HPS3: variants seen among roughly 807,000 people sequenced by gnomAD.
HPS3 encodes the protein HPS3 biogenesis of lysosomal organelles complex 2 subunit 1, also known as BLOC-2 complex member HPS3.
Under a neutral mutation model 110.9 loss-of-function variants are expected in HPS3, and 79 were observed. The ratio of observed to expected loss-of-function variants is 0.71; its 90% CI spans 0.59 to 0.86. The LOEUF (loss-of-function observed/expected upper bound fraction) is 0.86, where lower values mean the gene tolerates loss of function less well. HPS3 is among the 40% of genes least tolerant of loss of function. The pLI, the probability that HPS3 is intolerant of heterozygous loss-of-function variation, is 0.00. For missense variants in HPS3, 1,197 were observed against 1,206.2 expected, an observed-to-expected ratio of 0.99 and a Z score of 0.11; for synonymous variants, 428 against 451.0, an observed-to-expected ratio of 0.95 and a Z score of 0.65.
At chr3:149,140,949 A>AG in intron 2 of HPS3, 68 bp from the exon 3 acceptor site, 2 of 1,370,084 alleles carry the variant, frequency 1.5e-6, no homozygotes, top group Non-Finnish European at 1.0e-6. Context: ...TATATGTCTA[A>AG]TTGGTGAGAG....
At chr3:149,143,757 A>C (rs1273185776) in intron 4 of HPS3, among the ~76,000 whole-genome samples, 2 of 152,356 alleles carry the variant, frequency 1.3e-5, no homozygotes, top group Middle Eastern at 3.4e-3. Context: ...ATGTTAAAAA[A>C]GAATAGGGAG....
intron 2 of HPS3, 81 bp from the exon 3 acceptor site, chr3:149,140,936 T>A: frequency 7.9e-7 from 1 of 1,270,046 alleles, no homozygotes; most frequent in Non-Finnish European, 1.1e-6. Flanking sequence ...TAAATGAAAT[T>A]ACTATATGTC....
intron 1 of HPS3, among the ~76,000 whole-genome samples, chr3:149,138,841 G>A (rs910470743): frequency 2.0e-5 from 3 of 152,246 alleles, no homozygotes; most frequent in African/African-American, 7.2e-5. Context: ...TAATAGCCGT[G>A]AGAGTCCATG....
chr3:149,157,258 C>A, intron 8 of HPS3, 92 bp from the exon 9 acceptor site: 1 of 1,134,874 alleles, frequency 8.8e-7, no homozygotes, highest in Non-Finnish European at 1.3e-6. Flanking sequence ...CAAATGTTAA[C>A]TTTACTAACA....
chr3:149,129,684 T>G lies in HPS3; in HGVS notation c.-40T>G. ...GTCAGCGCGGGGTCTCCGGGCGCCC[T>G]GCAGGGCGGGCAGGCTGTGCCATCC... On this transcript the variant is annotated 5_prime_UTR_variant, in exon 1 of 17. Coordinates refer to ENST00000296051, the MANE Select transcript of HPS3 (RefSeq NM_032383.5). The G allele has an allele frequency of 6.7e-7, 1 of 1,482,152 alleles. No individual in the cohort carries two copies. Among genetic ancestry groups the G allele is most frequent in the South Asian group, 1.3e-5 (1 of 78,354 alleles). 91.8% of individuals were successfully genotyped at this position (1,482,152 alleles called of 1,614,324 possible).
chr3:149,155,684 A>G (rs1723418224), intron 8 of HPS3, among the ~76,000 whole-genome samples: 1 of 152,184 alleles, frequency 6.6e-6, no homozygotes, highest in African/African-American at 2.4e-5. Context: ...CTGATCTAAG[A>G]GTGACAGCTT....
intron 1 of HPS3, chr3:149,130,320 T>C (rs997067546): frequency 4.0e-6 from 1 of 248,152 alleles, no homozygotes; most frequent in Admixed American, 5.0e-5. Flanking sequence ...AGACTAGTAC[T>C]GTATCCCGGA....
At chr3:149,168,198 C>T in intron 16 of HPS3, 1 of 516,292 alleles carries the variant, frequency 1.9e-6, no homozygotes, top group Non-Finnish European at 3.5e-6. Context: ...TAACTTAATC[C>T]TTTCAAACAC....
chr3:149,158,823 A>T lies in HPS3; in HGVS notation c.1849A>T (p.Asn617Tyr). ...IFYINHSLYENLDEELNEELA... is the reference protein window; with the variant it reads ...IFYINHSLYEYLDEELNEELA... ...TTACATTAATCATTCACTTTATGAA[A>T]ACCTGGATGAAGAATTAAATGAAGT... Residue 617 changes from asparagine (N) to tyrosine (Y), a missense_variant, in exon 10 of 17, where the codon AAC becomes TAC. Physicochemically the swap from Asn to Tyr is moderately radical, Grantham distance 143 (BLOSUM62 -2). Coordinates refer to ENST00000296051, the MANE Select transcript of HPS3 (RefSeq NM_032383.5). 1 of 1,594,724 alleles carries T rather than the reference A, an allele frequency of 6.3e-7. No homozygotes were observed. The highest frequency in any genetic ancestry group is 8.6e-7 in the Non-Finnish European group (1 of 1,162,536).
At chr3:149,135,363 A>C (rs1278710429) in intron 1 of HPS3, among the ~76,000 whole-genome samples, 1 of 152,034 alleles carries the variant, frequency 6.6e-6, no homozygotes, top group Non-Finnish European at 1.5e-5. Flanking sequence ...CCCACGTGTC[A>C]AGGGCGGGAC....
chr3:149,159,436 A>G (rs1723656429), intron 10 of HPS3, among the ~76,000 whole-genome samples: 1 of 152,028 alleles, frequency 6.6e-6, no homozygotes, highest in Non-Finnish European at 1.5e-5. Context: ...GGTGGCATAC[A>G]CCTGTAGTTC....
At chr3:149,141,659 G>C (rs111330254) in intron 4 of HPS3, among the ~76,000 whole-genome samples, 1 of 147,630 alleles carries the variant, frequency 6.8e-6, no homozygotes, top group Admixed American at 6.9e-5. Flanking sequence ...TCAGCCTCCC[G>C]AGTAGCTGGG....
Position 149,145,428 on chromosome 3 carries a change from C to A in HPS3, c.1045C>A (p.Pro349Thr), listed in dbSNP as rs770304143. Residue 349 changes from proline to threonine, a missense_variant, in exon 5 of 17, where the codon CCT (proline) becomes ACT (threonine). Coordinates refer to ENST00000296051, the MANE Select transcript of HPS3 (RefSeq NM_032383.5). ...LLSLFCFFSL[P>T]HVGYLYMVVK... Reference sequence around the variant, plus strand: ...GAGTCTCTTTTGCTTTTTCTCCTTACCTCATGTGGGCTATCTCTACATGGT... The same window carrying A: ...GAGTCTCTTTTGCTTTTTCTCCTTAACTCATGTGGGCTATCTCTACATGGT... 68 of 1,613,808 alleles carry A rather than the reference C, an allele frequency of 4.2e-5. No homozygotes were observed. The highest frequency in any genetic ancestry group is 5.6e-5 in the Non-Finnish European group (66 of 1,179,850).
chr3:149,150,785 T>C (rs1322618172), intron 6 of HPS3, 105 bp downstream of exon 6: 1 of 899,248 alleles, frequency 1.1e-6, no homozygotes, highest in Non-Finnish European at 1.9e-6. Flanking sequence ...ACAAAAGAGC[T>C]TAAGGTTGTC....
At chr3:149,141,528 T>TG (rs937389310) in intron 4 of HPS3, 148 bp downstream of exon 4, 6 of 580,560 alleles carry the variant, frequency 1.0e-5, no homozygotes, top group South Asian at 4.0e-5. Flanking sequence ...AGTTTTTTTT[T>TG]TTGTTTTTTT....
chr3:149,158,748 G>T lies in HPS3; in HGVS notation c.1774G>T (p.Asp592Tyr). ...TATGGCTGAAGTTCTGGCCCGCACG[G>T]ACTGGACAGTAGAGGATGGATTACA... is the stretch of plus-strand genomic sequence containing the variant. ...LSMAEVLARTDWTVEDGLQKY... is the reference protein window; with the variant it reads ...LSMAEVLARTYWTVEDGLQKY... Residue 592 changes from aspartate (D) to tyrosine (Y), a missense_variant, in exon 10 of 17, where the codon GAC becomes TAC. Coordinates refer to ENST00000296051, the MANE Select transcript of HPS3 (RefSeq NM_032383.5). The T allele has an allele frequency of 1.2e-6, 2 of 1,612,766 alleles. No homozygotes were observed. Among genetic ancestry groups the T allele is most frequent in the Non-Finnish European group, 1.7e-6 (2 of 1,178,818 alleles).
intron 14 of HPS3, among the ~76,000 whole-genome samples, chr3:149,166,616 A>G (rs1480615437): frequency 1.3e-5 from 2 of 152,072 alleles, no homozygotes; most frequent in Non-Finnish European, 2.9e-5. Flanking sequence ...TGCCATATGT[A>G]TTTACTCATC....
At chr3:149,159,540 G>T (rs564106088) in intron 10 of HPS3, among the ~76,000 whole-genome samples, 4 of 152,178 alleles carry the variant, frequency 2.6e-5, no homozygotes, top group African/African-American at 9.6e-5. Flanking sequence ...TCCAGGCTGG[G>T]CAATACAGAA....
At position 149,146,598 on chromosome 3, in the gene HPS3, C is replaced by T. The variant is rs141816243; in HGVS notation, c.1163+1052C>T. ...CCACTGAGTGGTAGTATCACAATCTCTAGCAGGTGCTGGAGATTCCAAACT... is the reference window on the plus strand; with the variant it reads ...CCACTGAGTGGTAGTATCACAATCTTTAGCAGGTGCTGGAGATTCCAAACT... On this transcript the variant is annotated intron_variant, in intron 5 of 16. Coordinates refer to ENST00000296051, the MANE Select transcript of HPS3 (RefSeq NM_032383.5). 4.9e-4 allele frequency among the ~76,000 whole-genome samples: 74 copies of T among 152,362 alleles called. No individual in the cohort carries two copies. The East Asian group carries it at 0.013, about 27-fold the overall frequency.
Sources: gnomAD v4.1 joint callset for allele counts (sites outside exome capture counted in the v4.1 genomes callset) on GRCh38, gnomAD v4.1.1 for gene constraint, MANE v1.5 for transcripts, NCBI Gene and HGNC (gene_info 2026-07-23, HGNC 2026-07-21) for gene names.